Variants in ADAM12 observed in about 807,000 individuals in gnomAD.
ADAM12 encodes ADAM metallopeptidase domain 12.
In ADAM12, 70 loss-of-function variants were observed where a neutral mutation model predicts 106.4. The ratio of observed to expected loss-of-function variants is 0.66; its 90% confidence interval spans 0.54 to 0.80. The LOEUF is 0.80. Ranked by LOEUF, ADAM12 falls within the 30% of genes least tolerant of loss-of-function variation. ADAM12 has a pLI of 0.00. For synonymous variants in ADAM12, 420 were observed against 433.5 expected, an observed-to-expected ratio of 0.97 and a Z score of 0.39; for missense variants, 1,010 against 1,171.9, an observed-to-expected ratio of 0.86 and a Z score of 2.02.
At chr10:126,185,273 C>T (rs1957380537) in intron 3 of ADAM12, among the ~76,000 whole-genome samples, 1 of 152,192 alleles carries the variant, frequency 6.6e-6, no homozygotes, top group Admixed American at 6.5e-5. Context: ...CATTTTTTAA[C>T]AATGGTGTAA....
intron 18 of ADAM12, among the ~76,000 whole-genome samples, chr10:126,040,275 A>G (rs901078876): frequency 3.3e-5 from 5 of 152,190 alleles, no homozygotes; most frequent in African/African-American, 1.2e-4. Flanking sequence ...TTTTTAGAGG[A>G]CAGGGATCTT....
rs80251083 is a variant in ADAM12, at chr10:126,291,890, G to T, written c.187-12902C>A. Among the ~76,000 whole-genome samples the T allele has an allele frequency of 5.7e-3, 874 of 152,212 alleles. 9 individuals carry two copies. In the East Asian group the frequency reaches 0.069, roughly 12 times the overall value. On this transcript the variant is annotated intron_variant, in intron 2 of 22. Coordinates refer to ENST00000448723, the MANE Select transcript of ADAM12 (RefSeq NM_001288973.2). ...GCTTGCAGGGCTTTGCAACCTTTAT[G>T]GGTATAACTTTCCATTTCAACCCAG...
intron 4 of ADAM12, among the ~76,000 whole-genome samples, chr10:126,143,350 T>C (rs1282762772): frequency 6.7e-6 from 1 of 149,846 alleles, no homozygotes; most frequent in Non-Finnish European, 1.5e-5. Flanking sequence ...TGTGTGCATG[T>C]GTGTATATAT....
At chr10:126,341,999 G>A (rs867315289) in intron 1 of ADAM12, among the ~76,000 whole-genome samples, 14 of 152,142 alleles carry the variant, frequency 9.2e-5, no homozygotes, top group South Asian at 2.1e-4. Context: ...AACCTCATGC[G>A]TTTTCATGGG....
In ADAM12 at chr10:126,015,456, G is replaced by A. The variant is rs1348309668; in HGVS notation, c.*1823C>T. 6.6e-6 allele frequency: 1 copy of A among 152,146 alleles called. No homozygotes were observed. The highest frequency in any genetic ancestry group is 1.9e-4 in the East Asian group (1 of 5,202). 9.4% of individuals were successfully genotyped at this position (152,146 alleles called of 1,614,324 possible). ...TTACAGTAATTCTGTATGTATCTCA[G>A]CAGTATTATTTTCCAGCATGGCTTT... is the stretch of plus-strand genomic sequence containing the variant. On this transcript the variant is annotated 3_prime_UTR_variant, in exon 23 of 23. Transcript: ENST00000448723.
chr10:126,108,639 T>C lies in ADAM12; in HGVS notation c.695A>G (p.Glu232Gly), dbSNP rs534551777. 2.5e-5 allele frequency: 41 copies of C among 1,614,176 alleles called. No homozygotes were observed. In the South Asian group the frequency reaches 4.0e-4, roughly 16 times the overall value. The change falls in exon 8 of 23, where the codon GAA (glutamate) becomes GGA (glycine). Residue 232 changes from glutamate to glycine, a missense_variant. Glu to Gly is a moderately conservative substitution (Grantham distance 98). Coordinates refer to ENST00000448723, the MANE Select transcript of ADAM12 (RefSeq NM_001288973.2). ...CTCTATTAATCGCTGCTTAACTTTT[T>C]CCAGATCTTTTCCTTGCCTCTGAAA... is the stretch of plus-strand genomic sequence containing the variant. ...REFQRQGKDL[E>G]KVKQRLIEIA...
intron 3 of ADAM12, among the ~76,000 whole-genome samples, chr10:126,186,651 C>T (rs1238621843): frequency 1.3e-5 from 2 of 151,936 alleles, no homozygotes; most frequent in South Asian, 2.1e-4. Flanking sequence ...GGGCAGGAAT[C>T]GCACAGTGTC....
chr10:126,330,636 C>T, intron 1 of ADAM12, 127 bp from the exon 2 acceptor site: 1 of 735,556 alleles, frequency 1.4e-6, no homozygotes, highest in Non-Finnish European at 2.2e-6. Context: ...AACACTAGAA[C>T]CCATTAAGTC....
chr10:126,276,171 G>C (rs1045701508), intron 3 of ADAM12, among the ~76,000 whole-genome samples: 1 of 152,114 alleles, frequency 6.6e-6, no homozygotes, highest in Non-Finnish European at 1.5e-5. Context: ...GCTGACTCTG[G>C]GGCTGAAGGT....
chr10:126,225,586 G>T (rs545291709), intron 3 of ADAM12, among the ~76,000 whole-genome samples: 12 of 152,248 alleles, frequency 7.9e-5, no homozygotes, highest in African/African-American at 2.4e-4. Context: ...TTCACACGTG[G>T]GAGTGGAAAG....
intron 2 of ADAM12, among the ~76,000 whole-genome samples, chr10:126,324,127 T>C (rs956257578): frequency 6.6e-6 from 1 of 152,186 alleles, no homozygotes; most frequent in Non-Finnish European, 1.5e-5. Context: ...TGAATTTGCA[T>C]GAATTAAATG....
intron 18 of ADAM12, chr10:126,042,191 C>T: frequency 1.2e-6 from 2 of 1,613,834 alleles, no homozygotes; most frequent in South Asian, 2.2e-5. Context: ...GGCTCCTGGC[C>T]CTGGCCGCGC....
intron 1 of ADAM12, among the ~76,000 whole-genome samples, chr10:126,357,152 A>G (rs530738353): frequency 6.6e-6 from 1 of 152,358 alleles, no homozygotes. Flanking sequence ...GGAGTCCACC[A>G]TAACACATAT....
At chr10:126,320,301 T>C (rs1185251273) in intron 2 of ADAM12, among the ~76,000 whole-genome samples, 1 of 152,212 alleles carries the variant, frequency 6.6e-6, no homozygotes, top group Non-Finnish European at 1.5e-5. Context: ...GTGTCTTAAA[T>C]ATATCCAAAA....
chr10:126,363,982 T>C (rs1308173874), intron 1 of ADAM12, among the ~76,000 whole-genome samples: 2 of 152,098 alleles, frequency 1.3e-5, no homozygotes, highest in Admixed American at 1.3e-4. Context: ...GTCCCAAAAA[T>C]ATAAGAATAT....
At chr10:126,342,999 C>A (rs1297430219) in intron 1 of ADAM12, among the ~76,000 whole-genome samples, 1 of 152,114 alleles carries the variant, frequency 6.6e-6, no homozygotes, top group Non-Finnish European at 1.5e-5. Flanking sequence ...TCAGCAACGA[C>A]CAGGCACTGG....
At chr10:126,166,433 G>A (rs182453769) in intron 3 of ADAM12, among the ~76,000 whole-genome samples, 100 of 152,276 alleles carry the variant, frequency 6.6e-4, no homozygotes, top group African/African-American at 2.3e-3. Flanking sequence ...CCTTTCAAAT[G>A]ACTAGATACA....
At chr10:126,106,474 TTTC>T (rs202212603) in intron 8 of ADAM12, among the ~76,000 whole-genome samples, 3,280 of 148,060 alleles carry the variant, frequency 0.022, 64 homozygotes, top group Admixed American at 0.055. Context: ...ATCCCTTCTT[TTTC>T]TTCTTCTTCT....
chr10:126,250,154 C>G (rs565526091), intron 3 of ADAM12, among the ~76,000 whole-genome samples: 10 of 152,286 alleles, frequency 6.6e-5, no homozygotes, highest in African/African-American at 2.4e-4. Flanking sequence ...CTTCAAAGTC[C>G]TCGCATGAGG....
Sources: gnomAD v4.1 joint callset for allele counts (sites outside exome capture counted in the v4.1 genomes callset) on GRCh38, gnomAD v4.1.1 for gene constraint, MANE v1.5 for transcripts, NCBI Gene and HGNC (gene_info 2026-07-23, HGNC 2026-07-21) for gene names.